ZHX2: variants seen among roughly 807,000 people sequenced by gnomAD.
ZHX2 encodes zinc fingers and homeoboxes protein 2.
A neutral mutation model predicts 21.9 loss-of-function variants in ZHX2; 6 were observed. The observed-to-expected ratio is 0.27, with a 90% CI of 0.15 to 0.54. ZHX2 has a LOEUF of 0.54. ZHX2 is among the 20% of genes least tolerant of loss of function. The pLI is 0.95. For synonymous variants in ZHX2, 434 were observed against 437.1 expected (o/e 0.99, Z 0.09); for missense variants, 908 against 1,090.7 (o/e 0.83, Z 2.36).
At chr8:122,811,916 G>A (rs936368302) in intron 1 of ZHX2, 5 of 152,052 alleles carry the variant, frequency 3.3e-5, no homozygotes, top group African/African-American at 1.2e-4. Context: ...TTTTGTACCT[G>A]GTTCTCTTCT....
chr8:122,794,053 T>A (rs975011089), intron 1 of ZHX2, among the ~76,000 whole-genome samples: 6 of 152,344 alleles, frequency 3.9e-5, no homozygotes, highest in Middle Eastern at 3.4e-3. Flanking sequence ...AACCTGGAGC[T>A]TTATGCTTTG....
intron 1 of ZHX2, among the ~76,000 whole-genome samples, chr8:122,821,697 T>TTTA (rs1463434009): frequency 6.6e-6 from 1 of 150,462 alleles, no homozygotes; most frequent in Non-Finnish European, 1.5e-5. Flanking sequence ...ACTTTATTTA[T>TTTA]TTATTTATTT....
At chr8:122,855,981 A>T (rs1819014355) in intron 1 of ZHX2, among the ~76,000 whole-genome samples, 1 of 152,210 alleles carries the variant, frequency 6.6e-6, no homozygotes, top group Non-Finnish European at 1.5e-5. Context: ...GATGTACCCC[A>T]TGAGCAGGGA....
chr8:122,806,562 C>G (rs1817827970), intron 1 of ZHX2, among the ~76,000 whole-genome samples: 2 of 152,126 alleles, frequency 1.3e-5, no homozygotes, highest in African/African-American at 4.8e-5. Flanking sequence ...AATGGAGGGC[C>G]TGATTACAGA....
rs1033711621 is a variant in ZHX2, at chr8:122,782,727, C to A, written c.-283+781C>A. Among the ~76,000 whole-genome samples the A allele has an allele frequency of 1.3e-5, 2 of 151,950 alleles. No homozygotes were observed. The highest frequency in any genetic ancestry group is 2.4e-5 in the African/African-American group (1 of 41,404). ...CGCTCAGGTGCAGGGGGAGTCCGCG[C>A]GGGGCGGGGGGCCGAGGGCGGCCGC... is the stretch of plus-strand genomic sequence containing the variant. On this transcript the variant is annotated intron_variant, in intron 1 of 3. Coordinates refer to ENST00000314393, the MANE Select transcript of ZHX2 (RefSeq NM_014943.5). The surrounding 1 kb of genome is among the most constrained non-coding windows in gnomAD (Gnocchi z 5.3).
At chr8:122,796,151 A>G (rs1393878647) in intron 1 of ZHX2, among the ~76,000 whole-genome samples, 1 of 149,726 alleles carries the variant, frequency 6.7e-6, no homozygotes, top group Non-Finnish European at 1.5e-5. Context: ...AGCCTGCACA[A>G]TGGAGCGAGA....
intron 1 of ZHX2, chr8:122,809,018 A>T (rs749672208): frequency 1.3e-5 from 2 of 152,264 alleles, no homozygotes; most frequent in Non-Finnish European, 2.9e-5. Flanking sequence ...ACCTCCTAAC[A>T]GAGATGGTGA....
At chr8:122,863,703 T>C (rs568766213) in intron 2 of ZHX2, among the ~76,000 whole-genome samples, 164 bp downstream of exon 2, 15 of 151,814 alleles carry the variant, frequency 9.9e-5, no homozygotes, top group African/African-American at 3.4e-4. Flanking sequence ...TAGGTGTGAG[T>C]CCCTTGGAAT....
intron 1 of ZHX2, among the ~76,000 whole-genome samples, chr8:122,842,056 G>A (rs536583294): frequency 6.6e-6 from 1 of 152,330 alleles, no homozygotes; most frequent in East Asian, 1.9e-4. Context: ...AAATGAGCAC[G>A]AGCTCCTGGG....
Position 122,953,872 on chromosome 8 carries a change from T to C in ZHX2, c.2362T>C (p.Ser788Pro). The C allele has an allele frequency of 6.2e-7, 1 of 1,613,776 alleles. No homozygotes were observed. The highest frequency in any genetic ancestry group is 8.5e-7 in the Non-Finnish European group (1 of 1,179,884). ...CCAGGGTAGCGACGAGAACGAGGAG[T>C]CGAGCGTTGTGGATTACGTGGAGGT... ...DGQGSDENEE[S>P]SVVDYVEVTV... Residue 788 changes from serine (S) to proline (P), a missense_variant, in exon 3 of 4, where the codon TCG becomes CCG. Coordinates refer to ENST00000314393, the MANE Select transcript of ZHX2 (RefSeq NM_014943.5). The surrounding 1 kb of genome is among the most constrained non-coding windows in gnomAD (Gnocchi z 4.6).
Position 122,945,483 on chromosome 8 carries a change from T to C in ZHX2, c.-219-5809T>C, listed in dbSNP as rs117444640. On this transcript the variant is annotated intron_variant, in intron 2 of 3. Transcript: ENST00000314393. ...AAAAAAGGCATGTATTCCGAGGCAA[T>C]TTATTCCAAGGCATTGTTATGGTCT... Among the ~76,000 whole-genome samples the C allele has an allele frequency of 1.4e-3, 189 of 139,662 alleles. 1 individual carries two copies. The East Asian group carries it at 0.04, about 29-fold the overall frequency. 91.6% of individuals were successfully genotyped at this position (139,662 alleles called of 152,430 possible).
chr8:122,879,374 C>T (rs1819647204), intron 2 of ZHX2, among the ~76,000 whole-genome samples: 1 of 152,008 alleles, frequency 6.6e-6, no homozygotes, highest in African/African-American at 2.4e-5. Context: ...GCCCAGCTAA[C>T]TTTTGTATTT....
At chr8:122,847,940 A>G (rs1818790721) in intron 1 of ZHX2, among the ~76,000 whole-genome samples, 3 of 152,164 alleles carry the variant, frequency 2.0e-5, no homozygotes, top group African/African-American at 7.2e-5. Flanking sequence ...TACTCTTCAC[A>G]TCATAGTACA....
intron 2 of ZHX2, among the ~76,000 whole-genome samples, chr8:122,875,831 A>T (rs986814280): frequency 1.3e-5 from 2 of 152,250 alleles, no homozygotes; most frequent in African/African-American, 4.8e-5. Flanking sequence ...TATCATTGCC[A>T]TCAGCTCTCC....
chr8:122,838,650 A>G lies in ZHX2; in HGVS notation c.-282-24827A>G, dbSNP rs151062414. On this transcript the variant is annotated intron_variant, in intron 1 of 3. Coordinates refer to ENST00000314393, the MANE Select transcript of ZHX2 (RefSeq NM_014943.5). ...GAGTGCAGTGGCTCGATCTCGGCTC[A>G]CTGCAACTTCCATCTCCCAGGTTCA... 9.5e-3 allele frequency among the ~76,000 whole-genome samples: 1,327 copies of G among 139,516 alleles called. 13 individuals carry two copies. Among genetic ancestry groups the G allele is most frequent in the African/African-American group, 0.034 (1,255 of 36,872 alleles). 91.5% of individuals were successfully genotyped at this position (139,516 alleles called of 152,430 possible). A position where few individuals can be genotyped will look rare whatever the true frequency, so the allele number is the denominator to read the frequency against.
intron 1 of ZHX2, among the ~76,000 whole-genome samples, chr8:122,811,626 G>T (rs1315988401): frequency 2.6e-5 from 4 of 152,174 alleles, no homozygotes; most frequent in Non-Finnish European, 4.4e-5. Context: ...TGTGATGTTT[G>T]CAGGAGAGTA....
chr8:122,844,725 C>G (rs968443495), intron 1 of ZHX2, among the ~76,000 whole-genome samples: 3 of 152,146 alleles, frequency 2.0e-5, no homozygotes, highest in Non-Finnish European at 4.4e-5. Context: ...CTCTCTTTCT[C>G]TCTCTCTCTC....
chr8:122,940,118 A>C (rs771592580), intron 2 of ZHX2, among the ~76,000 whole-genome samples: 4 of 152,186 alleles, frequency 2.6e-5, no homozygotes, highest in Non-Finnish European at 5.9e-5. Context: ...GGGGGTTGTG[A>C]GATGGGCACT....
At chr8:122,823,916 A>G (rs1384233458) in intron 1 of ZHX2, among the ~76,000 whole-genome samples, 2 of 152,302 alleles carry the variant, frequency 1.3e-5, no homozygotes, top group East Asian at 3.9e-4. Flanking sequence ...GCTGTAGGGC[A>G]CTTGTCTGTT....
Sources: allele counts gnomAD v4.1 joint callset (sites outside exome capture counted in the v4.1 genomes callset), GRCh38; gene constraint gnomAD v4.1.1; non-coding constraint Gnocchi (gnomAD v3.1); transcripts MANE v1.5; gene names NCBI Gene and HGNC (gene_info 2026-07-23, HGNC 2026-07-21).